The following SHISA9 variants were observed in gnomAD, a reference collection of about 807,000 sequenced individuals.
SHISA9 encodes protein shisa-9.
A neutral mutation model predicts 38.0 loss-of-function variants in SHISA9; 13 were observed. The ratio of observed to expected loss-of-function variants is 0.34; its 90% CI spans 0.22 to 0.54. SHISA9 has a LOEUF of 0.54. Ranked by LOEUF, SHISA9 falls within the 20% of genes least tolerant of loss-of-function variation. SHISA9 has a pLI of 0.91. For synonymous variants in SHISA9, 275 were observed against 242.0 expected, an observed-to-expected ratio of 1.14 and a Z score of -1.27; for missense variants, 538 against 575.8, an observed-to-expected ratio of 0.93 and a Z score of 0.67.
the SHISA9 span, among the ~76,000 whole-genome samples, chr16:13,437,834 G>A: frequency 1.9e-5 from 2 of 103,460 alleles, no homozygotes; most frequent in African/African-American, 5.8e-5. Context: ...CTAAGAGAAG[G>A]CAAGTCTAAG....
At chr16:13,554,835 C>T in the SHISA9 span, among the ~76,000 whole-genome samples, 1 of 152,184 alleles carries the variant, frequency 6.6e-6, no homozygotes, top group African/African-American at 2.4e-5. Flanking sequence ...CAAAGGACTC[C>T]TGCAAGCTCC....
At chr16:12,937,338 A>C (rs275401) in intron 2 of SHISA9, among the ~76,000 whole-genome samples, 104,477 of 152,080 alleles carry the variant, frequency 0.69, 36,187 homozygotes, top group East Asian at 0.75. Flanking sequence ...CTCTCTCCTC[A>C]AGCACTCTAA....
At chr16:13,152,134 G>T (rs1299556919) in intron 2 of SHISA9, among the ~76,000 whole-genome samples, 1 of 152,102 alleles carries the variant, frequency 6.6e-6, no homozygotes, top group African/African-American at 2.4e-5. Flanking sequence ...AATAAAAGGG[G>T]CTAGTTCCAA....
the SHISA9 span, among the ~76,000 whole-genome samples, chr16:13,297,695 A>G: frequency 6.6e-6 from 1 of 152,198 alleles, no homozygotes; most frequent in African/African-American, 2.4e-5. Context: ...CAGAGAAAGA[A>G]GAAGTTGAAC....
chr16:13,108,449 A>C (rs185914328), intron 2 of SHISA9, among the ~76,000 whole-genome samples: 51 of 152,026 alleles, frequency 3.4e-4, no homozygotes, highest in African/African-American at 1.2e-3. Context: ...AAGTTTTTGG[A>C]GTCTTGGGGT....
the SHISA9 span, among the ~76,000 whole-genome samples, chr16:13,279,419 G>A: frequency 6.6e-6 from 1 of 151,856 alleles, no homozygotes; most frequent in Non-Finnish European, 1.5e-5. Context: ...TTGTTCCAAG[G>A]TATAGTTTAA....
intron 2 of SHISA9, among the ~76,000 whole-genome samples, chr16:12,947,720 C>A (rs2071705392): frequency 6.6e-6 from 1 of 152,156 alleles, no homozygotes; most frequent in Admixed American, 6.5e-5. Context: ...CAATTTAAGT[C>A]TCATTAATCA....
rs773177961 is a variant in SHISA9 at position 13,235,058 on chromosome 16, C to A, written c.924C>A (p.Thr308=). 1 of 1,551,004 alleles carries A rather than the reference C, an allele frequency of 6.4e-7. No individual in the cohort carries two copies. The highest frequency in any genetic ancestry group is 8.7e-7 in the Non-Finnish European group (1 of 1,146,746). The change falls in exon 5 of 5, where the codon ACC becomes ACA. Residue 308 remains threonine, a synonymous_variant. Transcript: ENST00000558583. ...KADKVNDDFY[T]KRRHLAELAA... The stretch of plus-strand genomic sequence containing the variant: ...ACAAGGTCAATGACGACTTCTACAC[C>A]AAGCGACGGCACCTGGCTGAGCTGG...
chr16:13,015,277 C>A (rs2072727141), intron 2 of SHISA9, among the ~76,000 whole-genome samples: 1 of 152,220 alleles, frequency 6.6e-6, no homozygotes, highest in Non-Finnish European at 1.5e-5. Flanking sequence ...CCCCACAAAG[C>A]CTAGAATATT....
rs550472932 is a variant in SHISA9, at chr16:13,060,954, T to G, written c.692-142440T>G. Among the ~76,000 whole-genome samples the G allele has an allele frequency of 2.0e-3, 299 of 152,158 alleles. 3 individuals carry two copies. The highest frequency in any genetic ancestry group is 6.9e-3 in the African/African-American group (285 of 41,504). On this transcript the variant is annotated intron_variant, in intron 2 of 4. Transcript: ENST00000558583. ...CTGAGGGCCGCATGGGGTCATACTCTCCATATCGTCTCCTGGTTGACACAT... is the reference window on the plus strand; with the variant it reads ...CTGAGGGCCGCATGGGGTCATACTCGCCATATCGTCTCCTGGTTGACACAT...
chr16:13,041,380 T>A (rs1289831070), intron 2 of SHISA9, among the ~76,000 whole-genome samples: 1 of 152,210 alleles, frequency 6.6e-6, no homozygotes, highest in Non-Finnish European at 1.5e-5. Flanking sequence ...TATCCCTGAC[T>A]GTCTGCTCTG....
the SHISA9 span, among the ~76,000 whole-genome samples, chr16:13,418,124 T>C: frequency 6.6e-6 from 1 of 152,170 alleles, no homozygotes; most frequent in African/African-American, 2.4e-5. Context: ...ATTATGTTTA[T>C]CTCTGAGAAT....
chr16:13,164,263 A>C (rs1447550397), intron 2 of SHISA9, among the ~76,000 whole-genome samples: 1 of 152,018 alleles, frequency 6.6e-6, no homozygotes, highest in Non-Finnish European at 1.5e-5. Flanking sequence ...GTTCTTGTTT[A>C]GACTGTTAAT....
At chr16:12,965,245 A>C (rs900261940) in intron 2 of SHISA9, among the ~76,000 whole-genome samples, 1 of 152,184 alleles carries the variant, frequency 6.6e-6, no homozygotes, top group Non-Finnish European at 1.5e-5. Context: ...GAAATATATG[A>C]GGTATAATTA....
intron 2 of SHISA9, among the ~76,000 whole-genome samples, chr16:13,026,018 T>C (rs2072917141): frequency 6.6e-6 from 1 of 152,142 alleles, no homozygotes; most frequent in African/African-American, 2.4e-5. Context: ...TTGGTCAGGC[T>C]GGTCTCGAAC....
At chr16:12,903,247 C>T (rs1049298739) in intron 1 of SHISA9, among the ~76,000 whole-genome samples, 14 of 152,190 alleles carry the variant, frequency 9.2e-5, no homozygotes, top group Admixed American at 3.3e-4. Context: ...CAGCTGCCCC[C>T]GCCCCTTTAC....
chr16:12,965,756 GT>G (rs2071969718), intron 2 of SHISA9, among the ~76,000 whole-genome samples: 1 of 152,120 alleles, frequency 6.6e-6, no homozygotes, highest in Admixed American at 6.6e-5. Flanking sequence ...CCCCTCTAGG[GT>G]TTTATCCTCA....
At chr16:13,186,287 C>CTTTTT (rs1567239378) in intron 2 of SHISA9, among the ~76,000 whole-genome samples, 1 of 123,814 alleles carries the variant, frequency 8.1e-6, no homozygotes, top group Non-Finnish European at 1.7e-5. Context: ...ACCATCTTAA[C>CTTTTT]CTTTTTTTTT....
At chr16:13,214,144 T>C (rs991781520) in intron 4 of SHISA9, among the ~76,000 whole-genome samples, 2 of 152,274 alleles carry the variant, frequency 1.3e-5, no homozygotes, top group Admixed American at 1.3e-4. Flanking sequence ...TCCATATGCT[T>C]TGTTGGACTT....
Sources: allele counts gnomAD v4.1 joint callset (sites outside exome capture counted in the v4.1 genomes callset), GRCh38; gene constraint gnomAD v4.1.1; transcripts MANE v1.5; gene names NCBI Gene and HGNC (gene_info 2026-07-23, HGNC 2026-07-21).